LRRC7: variants seen among roughly 807,000 people sequenced by gnomAD.
LRRC7 encodes leucine-rich repeat-containing protein 7.
LRRC7 carries 23 observed loss-of-function variants against 175.7 expected under a neutral mutation model. The observed-to-expected ratio is 0.13, with a 90% CI of 0.09 to 0.19. The LOEUF (loss-of-function observed/expected upper bound fraction) is 0.19. Ranked by LOEUF, LRRC7 falls within the 10% of genes least tolerant of loss-of-function variation. LRRC7 has a pLI of 1.00. For missense variants in LRRC7, 1,354 were observed against 1,904.7 expected, an observed-to-expected ratio of 0.71 and a Z score of 5.38; for synonymous variants, 685 against 680.9, an observed-to-expected ratio of 1.01 and a Z score of -0.09.
intron 1 of LRRC7, among the ~76,000 whole-genome samples, chr1:69,671,056 C>T (rs1658998759): frequency 6.6e-6 from 1 of 152,046 alleles, no homozygotes; most frequent in Admixed American, 6.6e-5. Context: ...CTTTACTTTT[C>T]CCTTCACTTT....
At chr1:69,815,603 G>A (rs932479406) in intron 4 of LRRC7, among the ~76,000 whole-genome samples, 1 of 152,162 alleles carries the variant, frequency 6.6e-6, no homozygotes, top group Non-Finnish European at 1.5e-5. Context: ...CTCTTTCAAT[G>A]ACAGCCATTC....
At chr1:69,750,315 A>G (rs1256280005) in intron 2 of LRRC7, among the ~76,000 whole-genome samples, 1 of 151,144 alleles carries the variant, frequency 6.6e-6, no homozygotes, top group East Asian at 1.9e-4. Context: ...TATTTAAAAG[A>G]TTTAGAATGT....
intron 1 of LRRC7, among the ~76,000 whole-genome samples, chr1:69,611,195 C>G (rs890199912): frequency 6.6e-6 from 1 of 151,924 alleles, no homozygotes; most frequent in African/African-American, 2.4e-5. Flanking sequence ...CTTTAATATA[C>G]TTTATTTTCC....
chr1:69,819,611 G>A (rs1679031427), intron 4 of LRRC7, among the ~76,000 whole-genome samples: 1 of 149,408 alleles, frequency 6.7e-6, no homozygotes, highest in African/African-American at 2.5e-5. Flanking sequence ...GTGTGTGTGT[G>A]TGTGTATCTG....
At chr1:69,765,457 A>G (rs930674352) in intron 3 of LRRC7, among the ~76,000 whole-genome samples, 1 of 152,126 alleles carries the variant, frequency 6.6e-6, no homozygotes. Flanking sequence ...ATGCAGAATC[A>G]TATGCTTATT....
intron 8 of LRRC7, among the ~76,000 whole-genome samples, chr1:69,951,290 A>C (rs1042076650): frequency 1.3e-4 from 20 of 152,106 alleles, no homozygotes; most frequent in African/African-American, 4.1e-4. Context: ...AAAAATAACA[A>C]GATACTGGCG....
chr1:70,056,396 C>T (rs10493469), intron 23 of LRRC7, among the ~76,000 whole-genome samples: 19,548 of 152,156 alleles, frequency 0.13, 1,729 homozygotes, highest in African/African-American at 0.24. Flanking sequence ...CAAGGAAATA[C>T]TTCACTAAAC....
chr1:69,839,558 T>A (rs1681494649), intron 7 of LRRC7, among the ~76,000 whole-genome samples: 1 of 150,378 alleles, frequency 6.6e-6, no homozygotes, highest in Non-Finnish European at 1.5e-5. Flanking sequence ...CTAGTGCCAC[T>A]GAGTCCATCC....
At chr1:70,023,097 C>A in intron 16 of LRRC7, 29 bp from the exon 17 acceptor site, 1 of 1,390,000 alleles carries the variant, frequency 7.2e-7, no homozygotes, top group Non-Finnish European at 9.4e-7. Context: ...CCTCTTTCTC[C>A]CAGAAAATGG....
intron 11 of LRRC7, among the ~76,000 whole-genome samples, chr1:70,001,523 T>C (rs1029477528): frequency 2.0e-5 from 3 of 152,224 alleles, no homozygotes; most frequent in Non-Finnish European, 2.9e-5. Flanking sequence ...CCAAACGATT[T>C]ATGTTTTTAA....
At chr1:69,919,806 A>T (rs1320832782) in intron 7 of LRRC7, 1 of 802,152 alleles carries the variant, frequency 1.2e-6, no homozygotes, top group African/African-American at 1.7e-5. Flanking sequence ...GTGTTCACGG[A>T]TTCCGGCATC....
chr1:69,988,960 A>G (rs1167439638), intron 10 of LRRC7, among the ~76,000 whole-genome samples: 2 of 152,158 alleles, frequency 1.3e-5, no homozygotes, highest in South Asian at 4.1e-4. Flanking sequence ...CAAAAATTCA[A>G]CCAAATAGGA....
At chr1:69,976,643 T>C (rs1652849757) in intron 8 of LRRC7, among the ~76,000 whole-genome samples, 1 of 152,226 alleles carries the variant, frequency 6.6e-6, no homozygotes, top group African/African-American at 2.4e-5. Flanking sequence ...ACTGGACACC[T>C]TTCCTGTGTA....
chr1:69,979,209 T>G (rs1203980678), intron 8 of LRRC7, among the ~76,000 whole-genome samples: 4 of 152,192 alleles, frequency 2.6e-5, no homozygotes, highest in African/African-American at 9.6e-5. Flanking sequence ...ATGCACTAGT[T>G]AGCTGAGGCC....
intron 7 of LRRC7, among the ~76,000 whole-genome samples, chr1:69,927,323 TC>T (rs1478496653): frequency 6.6e-6 from 1 of 152,188 alleles, no homozygotes; most frequent in Non-Finnish European, 1.5e-5. Context: ...TTTGTGGCGT[TC>T]TCTGTATTTC....
chr1:69,947,107 CAAAA>C lies in LRRC7; in HGVS notation c.711+15538_711+15541del, dbSNP rs547485023. Reference sequence around the variant, plus strand: ...TGAGCAACAGAGTGAGACTGTGTCTCAAAATAAATAAATAAATAAATAAATAAAT... The same window carrying C: ...TGAGCAACAGAGTGAGACTGTGTCTCTAAATAAATAAATAAATAAATAAAT... On this transcript the variant is annotated intron_variant, in intron 8 of 26. Transcript: ENST00000651989. Among the ~76,000 whole-genome samples, 30 of 139,498 alleles carry C rather than the reference CAAAA, an allele frequency of 2.2e-4. No homozygotes were observed. The South Asian group carries it at 6.9e-3, about 32-fold the overall frequency. The allele number at this position is 139,498 out of a possible 152,430, so 91.5% of individuals were successfully genotyped here.
chr1:69,772,849 A>G (rs1672392968), intron 3 of LRRC7, among the ~76,000 whole-genome samples: 1 of 152,204 alleles, frequency 6.6e-6, no homozygotes, highest in South Asian at 2.1e-4. Context: ...AAGAAAATTT[A>G]TGTTGTCATG....
At chr1:69,954,480 A>G (rs935631242) in intron 8 of LRRC7, among the ~76,000 whole-genome samples, 5 of 152,062 alleles carry the variant, frequency 3.3e-5, no homozygotes, top group African/African-American at 9.7e-5. Context: ...TTCATGGCAC[A>G]TGTAGAAACA....
chr1:69,708,555 T>C (rs1473481510), intron 2 of LRRC7, among the ~76,000 whole-genome samples: 1 of 152,220 alleles, frequency 6.6e-6, no homozygotes, highest in Non-Finnish European at 1.5e-5. Flanking sequence ...ATTAGTGTAA[T>C]AGTGTGTATA....
Sources: gnomAD v4.1 joint callset for allele counts (sites outside exome capture counted in the v4.1 genomes callset) on GRCh38, gnomAD v4.1.1 for gene constraint, MANE v1.5 for transcripts, NCBI Gene and HGNC (gene_info 2026-07-23, HGNC 2026-07-21) for gene names.